Variants in HCN1 observed in about 807,000 individuals in gnomAD.
The protein encoded by HCN1 is hyperpolarization activated cyclic nucleotide gated potassium channel 1.
In HCN1, 13 loss-of-function variants were observed where a neutral mutation model predicts 78.9. The ratio of observed to expected loss-of-function variants is 0.16; its 90% confidence interval spans 0.11 to 0.26. The LOEUF (loss-of-function observed/expected upper bound fraction) is 0.26. Among genes scored for constraint, HCN1 ranks in the 10% least tolerant of loss-of-function variants. The probability of loss-of-function intolerance (pLI) is 1.00; values close to 1 mark genes in which losing one functional copy is unlikely to be tolerated. For synonymous variants in HCN1, 552 were observed against 455.5 expected, an observed-to-expected ratio of 1.21 and a Z score of -2.70; for missense variants, 810 against 1,154.3, an observed-to-expected ratio of 0.70 and a Z score of 4.32.
chr5:45,450,809 A>G (rs898647855), intron 3 of HCN1, among the ~76,000 whole-genome samples: 1 of 152,192 alleles, frequency 6.6e-6, no homozygotes, highest in African/African-American at 2.4e-5. Flanking sequence ...CAAACAACAC[A>G]TGGTTATGAT....
At chr5:45,316,428 C>G (rs1025744135) in intron 5 of HCN1, among the ~76,000 whole-genome samples, 50 of 152,216 alleles carry the variant, frequency 3.3e-4, no homozygotes, top group African/African-American at 1.2e-3. Flanking sequence ...ATAATAAGAG[C>G]TACTTAAGAC....
chr5:45,353,341 T>C, intron 4 of HCN1, 95 bp from the exon 5 acceptor site: 1 of 909,966 alleles, frequency 1.1e-6, no homozygotes, highest in Non-Finnish European at 1.7e-6. Context: ...AATATTTGAA[T>C]ACTCAGTTAC....
intron 2 of HCN1, among the ~76,000 whole-genome samples, chr5:45,615,273 G>A (rs1049898057): frequency 6.6e-6 from 1 of 152,014 alleles, no homozygotes; most frequent in African/African-American, 2.4e-5. Flanking sequence ...AGTGAATCAT[G>A]ATCTTTTGGG....
At chr5:45,263,183 G>A (rs906998927) in intron 7 of HCN1, among the ~76,000 whole-genome samples, 1 of 152,168 alleles carries the variant, frequency 6.6e-6, no homozygotes, top group African/African-American at 2.4e-5. Context: ...AAGGACCATG[G>A]AGACATAAGC....
At chr5:45,504,827 G>T (rs912025487) in intron 2 of HCN1, among the ~76,000 whole-genome samples, 20 of 152,162 alleles carry the variant, frequency 1.3e-4, no homozygotes, top group Admixed American at 6.5e-5. Flanking sequence ...TTGTGGTTTT[G>T]ATTTGCATTT....
chr5:45,347,887 G>T (rs1472776942), intron 5 of HCN1, among the ~76,000 whole-genome samples: 5 of 152,198 alleles, frequency 3.3e-5, no homozygotes, highest in Non-Finnish European at 7.3e-5. Context: ...ATCTACGTCT[G>T]ATTGGTGTAC....
At chr5:45,619,381 G>A (rs749394748) in intron 2 of HCN1, among the ~76,000 whole-genome samples, 3 of 151,986 alleles carry the variant, frequency 2.0e-5, no homozygotes, top group South Asian at 2.1e-4. Flanking sequence ...GAGAATACAC[G>A]GTGAATCGAA....
chr5:45,302,936 A>T lies in HCN1; in HGVS notation c.1618+663T>A, dbSNP rs558779313. On this transcript the variant is annotated intron_variant, in intron 6 of 7. Coordinates refer to ENST00000303230, the MANE Select transcript of HCN1 (RefSeq NM_021072.4). ...TTCTGAGGCCTCCCCAGCCATATAG[A>T]ACTCTAAGTCCAATTAAACCTCTTT... 4.6e-5 allele frequency among the ~76,000 whole-genome samples: 7 copies of T among 152,200 alleles called. No individual in the cohort carries two copies. In the East Asian group the frequency reaches 1.4e-3, roughly 30 times the overall value.
intron 5 of HCN1, among the ~76,000 whole-genome samples, chr5:45,322,324 T>C (rs866672959): frequency 6.6e-6 from 1 of 151,790 alleles, no homozygotes; most frequent in African/African-American, 2.4e-5. Context: ...TTTTCTTAGA[T>C]TTTTTAAAGG....
At chr5:45,587,799 T>C (rs1425369390) in intron 2 of HCN1, among the ~76,000 whole-genome samples, 1 of 152,184 alleles carries the variant, frequency 6.6e-6, no homozygotes, top group Non-Finnish European at 1.5e-5. Flanking sequence ...ATTTCATACA[T>C]TGAAATTTAA....
chr5:45,323,282 T>C (rs1457584337), intron 5 of HCN1, among the ~76,000 whole-genome samples: 1 of 151,858 alleles, frequency 6.6e-6, no homozygotes, highest in East Asian at 1.9e-4. Flanking sequence ...CTTATATTGA[T>C]TGTGTGTTGA....
intron 2 of HCN1, among the ~76,000 whole-genome samples, chr5:45,539,032 A>C (rs1035430657): frequency 3.9e-5 from 6 of 152,194 alleles, no homozygotes; most frequent in Admixed American, 2.6e-4. Context: ...GGAAAGAAAA[A>C]TCAACTGCTT....
chr5:45,486,524 T>C (rs1052111699), intron 2 of HCN1, among the ~76,000 whole-genome samples: 4 of 152,124 alleles, frequency 2.6e-5, no homozygotes, highest in African/African-American at 9.7e-5. Flanking sequence ...GAAACATACA[T>C]CATCAATTTT....
chr5:45,374,001 T>G (rs1157680809), intron 4 of HCN1, among the ~76,000 whole-genome samples: 1 of 106,388 alleles, frequency 9.4e-6, no homozygotes, highest in African/African-American at 4.8e-5. Context: ...ATAATATATA[T>G]TATATACATA....
intron 2 of HCN1, among the ~76,000 whole-genome samples, chr5:45,494,518 AG>A (rs1181738523): frequency 1.6e-4 from 24 of 150,102 alleles, no homozygotes; most frequent in Admixed American, 2.7e-4. Flanking sequence ...ACAGATGAGT[AG>A]GTTGCGAAAA....
intron 2 of HCN1, among the ~76,000 whole-genome samples, chr5:45,625,113 G>A (rs1745137556): frequency 6.6e-6 from 1 of 152,060 alleles, no homozygotes; most frequent in Admixed American, 6.6e-5. Context: ...CTCTTTGGGA[G>A]CCAACATAGT....
At chr5:45,539,919 G>GAGATATATATATAT (rs1416474280) in intron 2 of HCN1, among the ~76,000 whole-genome samples, 1 of 126,106 alleles carries the variant, frequency 7.9e-6, no homozygotes, top group African/African-American at 3.3e-5. Context: ...TAAATTGTGA[G>GAGATATATATATAT]ATATATATAT....
At chr5:45,594,539 A>G (rs1744444423) in intron 2 of HCN1, among the ~76,000 whole-genome samples, 1 of 152,190 alleles carries the variant, frequency 6.6e-6, no homozygotes. Context: ...GGAAAATTCT[A>G]ACCAAAGCAT....
chr5:45,374,045 A>G (rs1747518429), intron 4 of HCN1, among the ~76,000 whole-genome samples: 1 of 94,144 alleles, frequency 1.1e-5, no homozygotes, highest in Admixed American at 1.5e-4. Flanking sequence ...CATAATATAT[A>G]TTATATATAT....
Sources: gnomAD v4.1 joint callset for allele counts (sites outside exome capture counted in the v4.1 genomes callset) on GRCh38, gnomAD v4.1.1 for gene constraint, MANE v1.5 for transcripts, NCBI Gene and HGNC (gene_info 2026-07-23, HGNC 2026-07-21) for gene names.